CNPY1: variants seen among roughly 807,000 people sequenced by gnomAD.
CNPY1 encodes protein canopy homolog 1.
In CNPY1, 14 loss-of-function variants were observed where a neutral mutation model predicts 14.4. The observed-to-expected ratio is 0.97, with a 90% CI of 0.64 to 1.52. CNPY1 has a LOEUF of 1.52. Ranked by LOEUF, CNPY1 falls within the 40% of genes most tolerant of loss-of-function variation. The pLI, the probability that CNPY1 is intolerant of heterozygous loss-of-function variation, is 0.00. For synonymous variants in CNPY1, 43 were observed against 46.5 expected (o/e 0.92, Z 0.31); for missense variants, 129 against 131.5 (o/e 0.98, Z 0.09).
intron 2 of CNPY1, among the ~76,000 whole-genome samples, chr7:155,514,660 C>T (rs1252915914): frequency 2.0e-5 from 3 of 152,208 alleles, no homozygotes; most frequent in East Asian, 1.9e-4. Context: ...TTTGGAAGGC[C>T]GAGATGGGTG....
intron 2 of CNPY1, among the ~76,000 whole-genome samples, chr7:155,511,738 G>C (rs765802859): frequency 6.6e-6 from 1 of 152,104 alleles, no homozygotes; most frequent in Non-Finnish European, 1.5e-5. Context: ...ACTACCTTAC[G>C]ATGTTCGTTA....
intron 2 of CNPY1, among the ~76,000 whole-genome samples, chr7:155,523,724 T>TA (rs1796768603): frequency 6.6e-6 from 1 of 152,158 alleles, no homozygotes; most frequent in South Asian, 2.1e-4. Flanking sequence ...TTGGGCTGTG[T>TA]CCCCCAAAGA....
At chr7:155,535,970 C>G (rs547267345) in intron 2 of CNPY1, among the ~76,000 whole-genome samples, 1 of 152,276 alleles carries the variant, frequency 6.6e-6, no homozygotes, top group African/African-American at 2.4e-5. Flanking sequence ...CAGGTAAATT[C>G]CTTTCCATTT....
chr7:155,514,873 A>G (rs1796587076), intron 2 of CNPY1, among the ~76,000 whole-genome samples: 1 of 152,172 alleles, frequency 6.6e-6, no homozygotes, highest in Non-Finnish European at 1.5e-5. Context: ...CAGCCTGGGC[A>G]ACAAGAGCAA....
intron 2 of CNPY1, among the ~76,000 whole-genome samples, chr7:155,537,548 T>G (rs1007813864): frequency 2.0e-5 from 3 of 151,848 alleles, no homozygotes; most frequent in African/African-American, 7.3e-5. Context: ...CTCAGCCTCC[T>G]GAGTAGCTGG....
chr7:155,503,149 A>G, intron 4 of CNPY1, 44 bp from the exon 5 acceptor site: 1 of 1,467,330 alleles, frequency 6.8e-7, no homozygotes, highest in Non-Finnish European at 9.4e-7. Context: ...ATCACTTTAG[A>G]CTCCAGCCCG....
At position 155,508,910 on chromosome 7, in the gene CNPY1, C is replaced by G; in HGVS notation, c.287G>C (p.Arg96Thr). 7 of 1,613,746 alleles carry G rather than the reference C, an allele frequency of 4.3e-6. No individual in the cohort carries two copies. The highest frequency in any genetic ancestry group is 5.9e-6 in the Non-Finnish European group (7 of 1,179,910). Reference protein sequence around the residue: ...KKLYFYSDAYRPLKFACETII... With the variant: ...KKLYFYSDAYTPLKFACETII... ...AGAGCTTACCGCAAATTTCAAAGGT[C>G]TGTAAGCATCAGAATAAAAATACAA... Residue 96 changes from arginine to threonine, a missense_variant, in exon 3 of 5, where the codon AGA becomes ACA. Coordinates refer to ENST00000636446, the MANE Select transcript of CNPY1 (RefSeq NM_001393663.1).
intron 2 of CNPY1, among the ~76,000 whole-genome samples, chr7:155,516,099 G>T (rs1467346268): frequency 6.6e-6 from 1 of 152,020 alleles, no homozygotes; most frequent in African/African-American, 2.4e-5. Flanking sequence ...TAGACCTCAG[G>T]GCTAAGAGGA....
chr7:155,505,477 G>A (rs1402411645), intron 4 of CNPY1, among the ~76,000 whole-genome samples: 1 of 152,182 alleles, frequency 6.6e-6, no homozygotes, highest in Admixed American at 6.5e-5. Context: ...TATGCAGAAG[G>A]AATGAAGAAA....
chr7:155,509,792 G>A (rs1176464819), intron 2 of CNPY1, among the ~76,000 whole-genome samples: 1 of 152,204 alleles, frequency 6.6e-6, no homozygotes, highest in Non-Finnish European at 1.5e-5. Flanking sequence ...ACGTCCCCGC[G>A]CGCCCCTCTC....
At chr7:155,508,165 G>A (rs1365951313) in intron 3 of CNPY1, among the ~76,000 whole-genome samples, 1 of 152,188 alleles carries the variant, frequency 6.6e-6, no homozygotes, top group Non-Finnish European at 1.5e-5. Context: ...CCATCACTTT[G>A]TCTGATTCAA....
At chr7:155,538,238 G>C (rs79939847) in intron 2 of CNPY1, among the ~76,000 whole-genome samples, 1 of 152,184 alleles carries the variant, frequency 6.6e-6, no homozygotes, top group Non-Finnish European at 1.5e-5. Context: ...AAACAATTTA[G>C]GGGTGATCCC....
At chr7:155,507,705 C>T (rs1796376426) in intron 3 of CNPY1, among the ~76,000 whole-genome samples, 1 of 152,050 alleles carries the variant, frequency 6.6e-6, no homozygotes, top group Admixed American at 6.6e-5. Context: ...CAACATTTCA[C>T]TTCACTTAAA....
At chr7:155,534,060 T>G (rs961548280) in intron 2 of CNPY1, among the ~76,000 whole-genome samples, 4 of 152,150 alleles carry the variant, frequency 2.6e-5, no homozygotes, top group African/African-American at 9.7e-5. Context: ...GGAAGAGCAC[T>G]GCGTCCCCCT....
intron 2 of CNPY1, among the ~76,000 whole-genome samples, chr7:155,519,069 T>C (rs1796671359): frequency 6.6e-6 from 1 of 152,190 alleles, no homozygotes; most frequent in Non-Finnish European, 1.5e-5. Context: ...TGACCAGACA[T>C]GTCATCACTT....
chr7:155,532,317 T>G (rs1796950425), intron 2 of CNPY1, among the ~76,000 whole-genome samples: 1 of 152,148 alleles, frequency 6.6e-6, no homozygotes, highest in Admixed American at 6.5e-5. Context: ...CTTCTCCAGC[T>G]CTTTAGAAGG....
chr7:155,507,471 TAAAAAAAAAAAAA>T lies in CNPY1; in HGVS notation c.304-368_304-356del, dbSNP rs35711313. 2.2e-3 allele frequency among the ~76,000 whole-genome samples: 117 copies of T among 54,152 alleles called. 2 individuals carry two copies. The highest frequency in any genetic ancestry group is 0.01 in the African/African-American group (103 of 10,116). 35.5% of individuals were successfully genotyped at this position (54,152 alleles called of 152,430 possible). On this transcript the variant is annotated intron_variant, in intron 3 of 4. Transcript: ENST00000636446. ...CTGAAAAGTCCAACGGTTTTTAAAC[TAAAAAAAAAAAAA>T]AAAAAAAAAAAAAAAGAAGACCACA... is the stretch of plus-strand genomic sequence containing the variant.
chr7:155,521,544 C>T (rs959695998), intron 2 of CNPY1, among the ~76,000 whole-genome samples: 5 of 152,322 alleles, frequency 3.3e-5, no homozygotes, highest in South Asian at 2.1e-4. Context: ...GTGGTCTGGG[C>T]CTGAAATCGC....
chr7:155,509,559 C>T (rs924989686), intron 2 of CNPY1, among the ~76,000 whole-genome samples: 1 of 150,242 alleles, frequency 6.7e-6, no homozygotes, highest in African/African-American at 2.4e-5. Flanking sequence ...AGAGAGAGAG[C>T]GCGCGCTCAG....
Sources: gnomAD v4.1 joint callset for allele counts (sites outside exome capture counted in the v4.1 genomes callset) on GRCh38, gnomAD v4.1.1 for gene constraint, MANE v1.5 for transcripts, NCBI Gene and HGNC (gene_info 2026-07-23, HGNC 2026-07-21) for gene names.